Variants in MBNL2 observed in about 807,000 individuals in gnomAD.
MBNL2 encodes muscleblind like splicing regulator 2.
MBNL2 carries 17 observed loss-of-function variants against 41.9 expected under a neutral mutation model. The ratio of observed to expected loss-of-function variants is 0.41; its 90% CI spans 0.28 to 0.61. The LOEUF (loss-of-function observed/expected upper bound fraction) is 0.61. Among genes scored for constraint, MBNL2 ranks in the 20% least tolerant of loss-of-function variants. MBNL2 has a pLI of 0.35. For missense variants in MBNL2, 336 were observed against 505.6 expected (o/e 0.66, Z 3.22); for synonymous variants, 195 against 182.9 (o/e 1.07, Z -0.53).
chr13:97,224,628 CAAAAAAAAAAAA>C (rs538498133), intron 1 of MBNL2, among the ~76,000 whole-genome samples: 1 of 107,450 alleles, frequency 9.3e-6, no homozygotes, highest in Non-Finnish European at 1.9e-5. Flanking sequence ...GACCTTTTAC[CAAAAAAAAAAAA>C]AAAAAAAAAA....
the MBNL2 span, among the ~76,000 whole-genome samples, chr13:97,214,279 C>T: frequency 6.6e-6 from 1 of 152,136 alleles, no homozygotes; most frequent in Non-Finnish European, 1.5e-5. Context: ...TTTTTTAAAA[C>T]TTGGCTTTAA....
At chr13:97,367,804 A>G (rs985664616) in intron 8 of MBNL2, among the ~76,000 whole-genome samples, 3 of 151,892 alleles carry the variant, frequency 2.0e-5, no homozygotes, top group African/African-American at 7.3e-5. Context: ...TCAGCAATTC[A>G]CTCCCACCTC....
chr13:97,319,592 A>C (rs2059336141), intron 2 of MBNL2, among the ~76,000 whole-genome samples: 1 of 151,872 alleles, frequency 6.6e-6, no homozygotes, highest in Admixed American at 6.6e-5. Flanking sequence ...TGTAAAAGCA[A>C]CTCCAAATTA....
At chr13:97,350,513 A>C (rs1328434632) in intron 5 of MBNL2, among the ~76,000 whole-genome samples, 2 of 152,216 alleles carry the variant, frequency 1.3e-5, no homozygotes, top group African/African-American at 4.8e-5. Flanking sequence ...TCAGAGTAGA[A>C]CTTCTTTCAA....
intron 2 of MBNL2, among the ~76,000 whole-genome samples, chr13:97,322,085 C>G (rs2059547756): frequency 6.6e-6 from 1 of 152,156 alleles, no homozygotes; most frequent in South Asian, 2.1e-4. Context: ...CAATTCCTTC[C>G]CAGTTTCTGG....
chr13:97,156,724 C>G, the MBNL2 span, among the ~76,000 whole-genome samples: 1 of 150,048 alleles, frequency 6.7e-6, no homozygotes, highest in Admixed American at 6.6e-5. Flanking sequence ...GGCGTTATTT[C>G]TGAGGGCTCT....
chr13:97,333,929 GGAAA>G (rs1215351128), intron 2 of MBNL2, among the ~76,000 whole-genome samples: 20 of 132,386 alleles, frequency 1.5e-4, no homozygotes, highest in South Asian at 5.1e-4. Flanking sequence ...AAGGAAGAAA[GGAAA>G]GAAAGAAAGA....
chr13:97,319,830 A>G (rs2059355601), intron 2 of MBNL2, among the ~76,000 whole-genome samples: 1 of 152,170 alleles, frequency 6.6e-6, no homozygotes, highest in East Asian at 1.9e-4. Context: ...TTTGTCTTTT[A>G]CTAAAATAAA....
the MBNL2 span, among the ~76,000 whole-genome samples, chr13:97,188,384 T>C: frequency 6.6e-6 from 1 of 152,172 alleles, no homozygotes; most frequent in Admixed American, 6.5e-5. Context: ...GGGGCCATAA[T>C]CATACCCATC....
At chr13:97,329,670 T>C (rs74675186) in intron 2 of MBNL2, among the ~76,000 whole-genome samples, 1 of 150 alleles carries the variant, frequency 6.7e-3, no homozygotes, top group African/African-American at 0.026. Context: ...GCAGCACACA[T>C]ACAACATACA....
At chr13:97,205,673 G>C in the MBNL2 span, among the ~76,000 whole-genome samples, 1 of 152,142 alleles carries the variant, frequency 6.6e-6, no homozygotes, top group Non-Finnish European at 1.5e-5. Flanking sequence ...GGTGACAGCT[G>C]TTTTTTGTTG....
At chr13:97,287,828 T>TGATTCTCCTGCGTTCAAGC (rs1162365611) in intron 2 of MBNL2, among the ~76,000 whole-genome samples, 45 of 131,974 alleles carry the variant, frequency 3.4e-4, no homozygotes, top group Non-Finnish European at 6.4e-4. Flanking sequence ...TGGGTTCAAG[T>TGATTCTCCTGCGTTCAAGC]GATTCTCCTG....
intron 2 of MBNL2, among the ~76,000 whole-genome samples, chr13:97,316,486 C>G (rs2059065064): frequency 6.6e-6 from 1 of 152,238 alleles, no homozygotes; most frequent in African/African-American, 2.4e-5. Flanking sequence ...AAGACCCTAC[C>G]TGGTCAAACC....
chr13:97,152,036 G>A, the MBNL2 span, among the ~76,000 whole-genome samples: 12 of 152,142 alleles, frequency 7.9e-5, no homozygotes, highest in Admixed American at 6.6e-4. Context: ...GAAAGTCAGA[G>A]ATGAAAATAA....
the MBNL2 span, among the ~76,000 whole-genome samples, chr13:97,204,594 A>G: frequency 1.3e-5 from 2 of 152,038 alleles, no homozygotes; most frequent in East Asian, 1.9e-4. Flanking sequence ...TTTCAGGAAG[A>G]AAAAAAACTA....
At chr13:97,370,928 A>T (rs1477148634) in intron 8 of MBNL2, among the ~76,000 whole-genome samples, 2 of 152,174 alleles carry the variant, frequency 1.3e-5, no homozygotes, top group Non-Finnish European at 2.9e-5. Context: ...TAGCATGTAA[A>T]TTAGTCAATC....
chr13:97,341,819 G>T (rs1386651831), intron 3 of MBNL2, among the ~76,000 whole-genome samples: 1 of 152,108 alleles, frequency 6.6e-6, no homozygotes, highest in Non-Finnish European at 1.5e-5. Flanking sequence ...TTAAACATAG[G>T]TTGTCATTTT....
chr13:97,360,281 G>A (rs1249487325), intron 7 of MBNL2, among the ~76,000 whole-genome samples: 1 of 152,076 alleles, frequency 6.6e-6, no homozygotes. Context: ...TGGATTTTAG[G>A]AATTCTGCCT....
At chr13:97,210,571 ATTTTTTTTTTTTTTTTTTTTT>A in the MBNL2 span, among the ~76,000 whole-genome samples, 3 of 65,466 alleles carry the variant, frequency 4.6e-5, no homozygotes, top group African/African-American at 6.3e-5. Flanking sequence ...ACAACTGTGA[ATTTTTTTTTTTTTTTTTTTTT>A]TTTTTTTTTT....
Sources: allele counts gnomAD v4.1 joint callset (sites outside exome capture counted in the v4.1 genomes callset), GRCh38; gene constraint gnomAD v4.1.1; transcripts MANE v1.5; gene names NCBI Gene and HGNC (gene_info 2026-07-23, HGNC 2026-07-21).